MEP1B: variants seen among roughly 807,000 people sequenced by gnomAD.
MEP1B encodes meprin A subunit beta.
A neutral mutation model predicts 84.6 loss-of-function variants in MEP1B; 80 were observed. The ratio of observed to expected loss-of-function variants is 0.95; its 90% CI spans 0.79 to 1.14. MEP1B has a LOEUF of 1.14. MEP1B is among the 50% of genes most tolerant of loss of function. The pLI is 0.00. For missense variants in MEP1B, 766 were observed against 855.1 expected, an observed-to-expected ratio of 0.90 and a Z score of 1.30; for synonymous variants, 273 against 288.1, an observed-to-expected ratio of 0.95 and a Z score of 0.53.
Position 32,198,664 on chromosome 18 carries a change from C to T in MEP1B, c.250+3179C>T, listed in dbSNP as rs192341044. Reference sequence around the variant, plus strand: ...GGAGCTAGGAAGTTGAGCAGGTAGGCGGAACGCAAATGGGGAAGGACTTGG... The same window carrying T: ...GGAGCTAGGAAGTTGAGCAGGTAGGTGGAACGCAAATGGGGAAGGACTTGG... On this transcript the variant is annotated intron_variant, in intron 5 of 14. Coordinates refer to ENST00000269202, the MANE Select transcript of MEP1B (RefSeq NM_005925.3). Among the ~76,000 whole-genome samples the T allele has an allele frequency of 6.6e-5, 10 of 152,134 alleles. No homozygotes were observed. In the East Asian group the frequency reaches 1.6e-3, roughly 24 times the overall value.
intron 8 of MEP1B, among the ~76,000 whole-genome samples, chr18:32,207,862 C>T (rs1212205768): frequency 6.6e-6 from 1 of 152,128 alleles, no homozygotes; most frequent in African/African-American, 2.4e-5. Flanking sequence ...GGAGTATAGA[C>T]TCAGGTTTCT....
chr18:32,204,331 T>G lies in MEP1B; in HGVS notation c.518T>G (p.Val173Gly). ...EQSRSDRDDY[V>G]RIMWDRILSG... ...TCGCGTTCTGACCGGGATGACTATG[T>G]CAGGATAATGTGGGACAGAATTCTG... Residue 173 changes from valine (V) to glycine (G), a missense_variant, in exon 7 of 15, where the codon GTC becomes GGC. Transcript: ENST00000269202. 1 of 1,599,732 alleles carries G rather than the reference T, an allele frequency of 6.3e-7. No individual in the cohort carries two copies. The highest frequency in any genetic ancestry group is 8.5e-7 in the Non-Finnish European group (1 of 1,173,302).
intron 5 of MEP1B, among the ~76,000 whole-genome samples, chr18:32,202,256 G>A (rs917623879): frequency 3.9e-5 from 6 of 152,052 alleles, no homozygotes; most frequent in African/African-American, 1.4e-4. Flanking sequence ...CGTTCCTCCT[G>A]GTCACTCACA....
chr18:32,210,367 C>A, intron 9 of MEP1B, 134 bp from the exon 10 acceptor site: 1 of 708,000 alleles, frequency 1.4e-6, no homozygotes. Flanking sequence ...GCTTAGGCTT[C>A]TGTCATTTCT....
At chr18:32,219,592 T>A (rs1227657372) in intron 14 of MEP1B, among the ~76,000 whole-genome samples, 2 of 152,000 alleles carry the variant, frequency 1.3e-5, no homozygotes, top group African/African-American at 4.8e-5. Context: ...ACTGGGTGGA[T>A]GGGATTGCCA....
At chr18:32,215,307 G>T in intron 12 of MEP1B, 46 bp downstream of exon 12, 2 of 1,231,642 alleles carry the variant, frequency 1.6e-6, no homozygotes, top group South Asian at 1.7e-5. Flanking sequence ...TTTTTTTGTT[G>T]TGGCCACTGA....
chr18:32,199,704 C>CTTCCTTCCTTCCTTCCTTCCT (rs1467871025), intron 5 of MEP1B, among the ~76,000 whole-genome samples: 54 of 141,796 alleles, frequency 3.8e-4, no homozygotes, highest in African/African-American at 1.3e-3. Flanking sequence ...TCCTTCCTTC[C>CTTCCTTCCTTCCTTCCTTCCT]TTCCTTCTTT....
At chr18:32,206,604 A>G (rs2040967503) in intron 7 of MEP1B, among the ~76,000 whole-genome samples, 1 of 150,438 alleles carries the variant, frequency 6.6e-6, no homozygotes, top group Non-Finnish European at 1.5e-5. Flanking sequence ...TAATTTTTAA[A>G]ATATTTATTT....
chr18:32,209,632 A>C (rs969061959), intron 9 of MEP1B, among the ~76,000 whole-genome samples: 11 of 152,288 alleles, frequency 7.2e-5, no homozygotes, highest in African/African-American at 2.6e-4. Flanking sequence ...TATCAGGTTC[A>C]GTTATTCTCA....
intron 11 of MEP1B, among the ~76,000 whole-genome samples, chr18:32,214,745 G>A (rs2041064836): frequency 6.6e-6 from 1 of 152,196 alleles, no homozygotes; most frequent in South Asian, 2.1e-4. Flanking sequence ...TAGCCTTGAA[G>A]CCTATTCTAA....
chr18:32,206,520 C>T (rs1050819856), intron 7 of MEP1B, among the ~76,000 whole-genome samples: 3 of 151,666 alleles, frequency 2.0e-5, no homozygotes, highest in African/African-American at 4.9e-5. Flanking sequence ...GGCTCGACTT[C>T]CCAGGCTCAG....
intron 14 of MEP1B, 58 bp from the exon 15 acceptor site, chr18:32,220,173 T>C (rs1006289423): frequency 1.4e-6 from 2 of 1,472,674 alleles, no homozygotes; most frequent in African/African-American, 1.4e-5. Flanking sequence ...TATGATTCAT[T>C]TAAATAGCAG....
chr18:32,215,043 A>C (rs754995715), intron 11 of MEP1B, 39 bp from the exon 12 acceptor site: 1 of 1,435,304 alleles, frequency 7.0e-7, no homozygotes, highest in Non-Finnish European at 9.6e-7. Flanking sequence ...AGCTACGATG[A>C]TGATAAACAC....
In MEP1B at chr18:32,213,289, T is replaced by G; in HGVS notation, c.1309T>G (p.Phe437Val). 6.2e-7 allele frequency: 1 copy of G among 1,613,962 alleles called. No individual in the cohort carries two copies. The highest frequency in any genetic ancestry group is 1.3e-5 in the African/African-American group (1 of 75,038). The change falls in exon 11 of 15, where the codon TTC (phenylalanine) becomes GTC (valine). Residue 437 changes from phenylalanine to valine, a missense_variant. Transcript: ENST00000269202. ...CPHHIWHIRN[F>V]TQFIGSPNGT... Reference sequence around the variant, plus strand: ...TCATCATATCTGGCATATAAGGAATTTCACACAGTTCATTGGCAGCCCAAA... The same window carrying G: ...TCATCATATCTGGCATATAAGGAATGTCACACAGTTCATTGGCAGCCCAAA...
At chr18:32,192,096 T>C (rs1037225976) in intron 2 of MEP1B, among the ~76,000 whole-genome samples, 6 of 152,064 alleles carry the variant, frequency 3.9e-5, no homozygotes, top group Non-Finnish European at 8.8e-5. Flanking sequence ...ATGCTTGCTA[T>C]TATTGTTTTT....
At chr18:32,206,798 GACAGGGTTTC>G (rs2040970190) in intron 7 of MEP1B, among the ~76,000 whole-genome samples, 1 of 152,004 alleles carries the variant, frequency 6.6e-6, no homozygotes, top group South Asian at 2.1e-4. Context: ...TTTTAGTAGA[GACAGGGTTTC>G]ACCATGTTGG....
chr18:32,195,448 G>A lies in MEP1B; in HGVS notation c.213G>A (p.Trp71Ter), dbSNP rs367880838. Residue 71 changes from tryptophan (W) to a stop codon, truncating the protein, a stop_gained, in exon 5 of 15, where the codon TGG becomes TGA. Coordinates refer to ENST00000269202, the MANE Select transcript of MEP1B (RefSeq NM_005925.3). LOFTEE classifies it high-confidence loss of function. The part of the protein sequence containing the change: ...RNSIIGEKYR[W>*]PHTIPYVLED... ...CCATCATTGGAGAAAAGTATAGATG[G>A]CCTCATACCATTCCATATGTTCTAG... is the stretch of plus-strand genomic sequence containing the variant. The A allele has an allele frequency of 3.7e-6, 6 of 1,612,116 alleles. No homozygotes were observed. The highest frequency in any genetic ancestry group is 4.2e-6 in the Non-Finnish European group (5 of 1,178,648).
chr18:32,219,740 T>A (rs1172641446), intron 14 of MEP1B, among the ~76,000 whole-genome samples: 1 of 151,866 alleles, frequency 6.6e-6, no homozygotes, highest in Non-Finnish European at 1.5e-5. Context: ...GCTAGGAAGC[T>A]AAGTCAATAA....
Position 32,210,458 on chromosome 18 carries a change from A to G in MEP1B, c.920-43A>G, listed in dbSNP as rs375418265. 337 of 1,522,826 alleles carry G rather than the reference A, an allele frequency of 2.2e-4. No homozygotes were observed. The Middle Eastern group carries it at 2.7e-3, about 12-fold the overall frequency. 94.3% of individuals were successfully genotyped at this position (1,522,826 alleles called of 1,614,324 possible). Reference sequence around the variant, plus strand: ...ACCATTAACAAACACACATTCCTATACCCAGTATCTGTTTTTCTCTCAATT... The same window carrying G: ...ACCATTAACAAACACACATTCCTATGCCCAGTATCTGTTTTTCTCTCAATT... On this transcript the variant is annotated intron_variant, in intron 9 of 14. Coordinates refer to ENST00000269202, the MANE Select transcript of MEP1B (RefSeq NM_005925.3).
Sources: gnomAD v4.1 joint callset for allele counts (sites outside exome capture counted in the v4.1 genomes callset) on GRCh38, gnomAD v4.1.1 for gene constraint, MANE v1.5 for transcripts, NCBI Gene and HGNC (gene_info 2026-07-23, HGNC 2026-07-21) for gene names.